The following MROH2B variants were observed in gnomAD, a reference collection of about 807,000 sequenced individuals.
MROH2B encodes maestro heat like repeat family member 2B.
Under a neutral mutation model 208.6 loss-of-function variants are expected in MROH2B, and 177 were observed. The observed-to-expected ratio is 0.85, with a 90% CI of 0.75 to 0.96. The LOEUF is 0.96. MROH2B is among the 40% of genes least tolerant of loss of function. The pLI, the probability that MROH2B is intolerant of heterozygous loss-of-function variation, is 0.00. For missense variants in MROH2B, 2,002 were observed against 1,878.7 expected, an observed-to-expected ratio of 1.07 and a Z score of -1.21; for synonymous variants, 728 against 659.0, an observed-to-expected ratio of 1.10 and a Z score of -1.60.
intron 20 of MROH2B, 139 bp downstream of exon 20, chr5:41,039,309 A>G (rs923740489): frequency 6.0e-5 from 34 of 563,504 alleles, no homozygotes; most frequent in South Asian, 1.8e-4. Flanking sequence ...TCCTATAAAG[A>G]CTGGGCTTGG....
intron 35 of MROH2B, 69 bp downstream of exon 35, chr5:41,005,462 G>C: frequency 2.4e-6 from 2 of 830,418 alleles, no homozygotes; most frequent in South Asian, 1.5e-5. Context: ...TGCACACTGG[G>C]CTCCAGACCA....
At chr5:41,023,607 C>A (rs1356672756) in intron 24 of MROH2B, among the ~76,000 whole-genome samples, 1 of 152,174 alleles carries the variant, frequency 6.6e-6, no homozygotes, top group Non-Finnish European at 1.5e-5. Context: ...GGAAAACATT[C>A]TTCAGGATAT....
rs12055243 is a variant in MROH2B, at chr5:41,020,973, G to T, written c.2442-1955C>A. ...AATTAGGCAAGGAAAAATTAAAAAGGTATCTAAATTGGAAAAGGAGAAGTA... is the reference window on the plus strand; with the variant it reads ...AATTAGGCAAGGAAAAATTAAAAAGTTATCTAAATTGGAAAAGGAGAAGTA... On this transcript the variant is annotated intron_variant, in intron 24 of 41. Transcript: ENST00000399564. 3.2e-3 allele frequency among the ~76,000 whole-genome samples: 480 copies of T among 152,136 alleles called. 3 individuals are homozygous for T. Among genetic ancestry groups the T allele is most frequent in the African/African-American group, 0.011 (456 of 41,520 alleles).
In MROH2B at chr5:41,071,000, A is replaced by G; in HGVS notation, c.-148T>C. The G allele has an allele frequency of 2.8e-6, 2 of 718,504 alleles. No individual in the cohort carries two copies. Among genetic ancestry groups the G allele is most frequent in the Non-Finnish European group, 4.8e-6 (2 of 420,526 alleles). The allele number at this position is 718,504 out of a possible 1,614,324, so 44.5% of individuals were successfully genotyped here. On this transcript the variant is annotated 5_prime_UTR_variant, in exon 1 of 42. Coordinates refer to ENST00000399564, the MANE Select transcript of MROH2B (RefSeq NM_173489.5). ...AAAGTGCCTCCTCCACTTGATTGGC[A>G]CAATGGTCTGGGAGCTTCCAGAGAT...
chr5:41,065,216 C>A, intron 4 of MROH2B, 115 bp downstream of exon 4: 1 of 1,047,560 alleles, frequency 9.5e-7, no homozygotes, highest in Non-Finnish European at 1.3e-6. Flanking sequence ...GTCAATATTT[C>A]TTGGTACAGA....
At chr5:41,044,171 A>C (rs535610706) in intron 18 of MROH2B, among the ~76,000 whole-genome samples, 1 of 151,162 alleles carries the variant, frequency 6.6e-6, no homozygotes, top group South Asian at 2.1e-4. Context: ...AATCACTTGA[A>C]CCTGGGAGGC....
intron 16 of MROH2B, 175 bp downstream of exon 16, chr5:41,048,149 G>T: frequency 3.0e-6 from 2 of 674,588 alleles, no homozygotes; most frequent in Non-Finnish European, 2.2e-6. Flanking sequence ...TATGAATATT[G>T]GCAAGAAACA....
rs77379102 is a variant in MROH2B at position 41,009,382 on chromosome 5, C to A, written c.3318G>T (p.Ala1106=). The change falls in exon 32 of 42, where the codon GCG becomes GCT. Residue 1106 remains alanine (A), a synonymous_variant. Coordinates refer to ENST00000399564, the MANE Select transcript of MROH2B (RefSeq NM_173489.5). ...CACTGGAGGCTGGCTTTTCAGCCAG[C>A]GCCTTCCACAATGTCTTTGTGTCCC... ...FDRDTKTLWK[A]LAEKPASSGK... 3.7e-6 allele frequency: 6 copies of A among 1,613,628 alleles called. No individual in the cohort carries two copies. Among genetic ancestry groups the A allele is most frequent in the South Asian group, 1.1e-5 (1 of 91,078 alleles).
intron 24 of MROH2B, among the ~76,000 whole-genome samples, chr5:41,024,147 T>C (rs1269211678): frequency 6.6e-6 from 1 of 152,130 alleles, no homozygotes; most frequent in African/African-American, 2.4e-5. Flanking sequence ...AATAACCAGC[T>C]AACATCATAA....
intron 37 of MROH2B, among the ~76,000 whole-genome samples, chr5:41,003,281 T>G (rs1741463102): frequency 6.6e-6 from 1 of 151,938 alleles, no homozygotes. Flanking sequence ...ATTGGTTAAT[T>G]GGAGGAAATA....
chr5:41,051,285 AAC>A (rs1743276730), intron 12 of MROH2B, among the ~76,000 whole-genome samples, 195 bp from the exon 13 acceptor site: 1 of 152,164 alleles, frequency 6.6e-6, no homozygotes, highest in South Asian at 2.1e-4. Flanking sequence ...TTAGTTGGAA[AAC>A]ACAACGCTTG....
In MROH2B at chr5:41,004,536, G is replaced by T; in HGVS notation, c.4012-8C>A. The T allele has an allele frequency of 1.2e-6, 2 of 1,602,556 alleles. No homozygotes were observed. Among genetic ancestry groups the T allele is most frequent in the Non-Finnish European group, 1.7e-6 (2 of 1,176,100 alleles). On this transcript the variant is annotated splice_region_variant and splice_polypyrimidine_tract_variant and intron_variant, in intron 36 of 41. Transcript: ENST00000399564. The stretch of plus-strand genomic sequence containing the variant: ...CTGCTTATGTTTCTTCACCTATTTT[G>T]AAATAAGACCTCTTAATCTTGAAAA...
chr5:41,002,945 A>G (rs937543243), intron 37 of MROH2B, among the ~76,000 whole-genome samples: 24 of 150,268 alleles, frequency 1.6e-4, no homozygotes, highest in African/African-American at 5.6e-4. Context: ...TTTGAGGACA[A>G]GATAATTAAA....
At chr5:41,007,682 C>T (rs746318416) in intron 33 of MROH2B, among the ~76,000 whole-genome samples, 7 of 152,092 alleles carry the variant, frequency 4.6e-5, no homozygotes, top group Non-Finnish European at 1.0e-4. Context: ...TCAACACTCC[C>T]CCCATAAGAA....
intron 24 of MROH2B, 56 bp downstream of exon 24, chr5:41,032,686 G>T: frequency 1.4e-6 from 2 of 1,407,204 alleles, no homozygotes; most frequent in Non-Finnish European, 2.0e-6. Context: ...TAGTTGATCA[G>T]GAGGAGGATA....
chr5:41,010,600 G>A (rs550676883), intron 30 of MROH2B, among the ~76,000 whole-genome samples: 131 of 152,332 alleles, frequency 8.6e-4, no homozygotes, highest in African/African-American at 3.0e-3. Flanking sequence ...GAAGAACACA[G>A]ATAAAGATGT....
At chr5:40,999,637 A>C (rs910153112) in intron 40 of MROH2B, 40 bp downstream of exon 40, 1 of 1,550,226 alleles carries the variant, frequency 6.5e-7, no homozygotes, top group African/African-American at 1.4e-5. Flanking sequence ...AGGTGGAAAA[A>C]GCAGACATAT....
At chr5:41,055,701 G>T in intron 10 of MROH2B, 41 bp downstream of exon 10, 2 of 1,485,714 alleles carry the variant, frequency 1.3e-6, no homozygotes, top group Non-Finnish European at 1.9e-6. Flanking sequence ...TCTGCTTCTT[G>T]GCATGAAATA....
At chr5:40,999,835 T>G in intron 39 of MROH2B, 56 bp from the exon 40 acceptor site, 1 of 1,529,296 alleles carries the variant, frequency 6.5e-7, no homozygotes, top group Admixed American at 1.7e-5. Context: ...TTTGTGACAT[T>G]TGGCATCCTA....
Sources: gnomAD v4.1 joint callset for allele counts (sites outside exome capture counted in the v4.1 genomes callset) on GRCh38, gnomAD v4.1.1 for gene constraint, MANE v1.5 for transcripts, NCBI Gene and HGNC (gene_info 2026-07-23, HGNC 2026-07-21) for gene names.